Variants in CNTNAP3B observed in about 807,000 individuals in gnomAD.
CNTNAP3B encodes contactin associated protein family member 3B.
In CNTNAP3B, 25 loss-of-function variants were observed where a neutral mutation model predicts 108.9. The ratio of observed to expected loss-of-function variants is 0.23; its 90% CI spans 0.17 to 0.32. The LOEUF is 0.32. Among genes scored for constraint, CNTNAP3B ranks in the 10% least tolerant of loss-of-function variants. The pLI, the probability that CNTNAP3B is intolerant of heterozygous loss-of-function variation, is 1.00. For synonymous variants in CNTNAP3B, 103 were observed against 473.4 expected, an observed-to-expected ratio of 0.22 and a Z score of 10.16; for missense variants, 252 against 1,210.4, an observed-to-expected ratio of 0.21 and a Z score of 11.75.
At chr9:41,932,507 A>G (rs1824007495) in intron 14 of CNTNAP3B, among the ~76,000 whole-genome samples, 2 of 148,660 alleles carry the variant, frequency 1.3e-5, no homozygotes, top group Non-Finnish European at 3.0e-5. Flanking sequence ...CAACTTTTTA[A>G]CTTTTTTTTC....
intron 10 of CNTNAP3B, among the ~76,000 whole-genome samples, chr9:41,969,163 A>G (rs1825369569): frequency 6.6e-6 from 1 of 152,146 alleles, no homozygotes; most frequent in East Asian, 1.9e-4. Context: ...TACCAAATGT[A>G]CTGGGGCAAA....
At chr9:41,958,766 C>A (rs1824959598) in intron 12 of CNTNAP3B, among the ~76,000 whole-genome samples, 1 of 151,982 alleles carries the variant, frequency 6.6e-6, no homozygotes. Flanking sequence ...GAAATATTTG[C>A]CCTTGAGGAA....
chr9:42,067,282 A>C (rs1261118278), intron 3 of CNTNAP3B, among the ~76,000 whole-genome samples: 1 of 148,588 alleles, frequency 6.7e-6, no homozygotes, highest in Non-Finnish European at 1.5e-5. Flanking sequence ...TGTTTGATAC[A>C]TATTCATGTT....
rs746452970 is a variant in CNTNAP3B, at chr9:42,129,273, C to T, written c.-179G>A. 3 of 865,442 alleles carry T rather than the reference C, an allele frequency of 3.5e-6. No homozygotes were observed. The highest frequency in any genetic ancestry group is 4.5e-6 in the Non-Finnish European group (3 of 664,264). The allele number at this position is 865,442 out of a possible 1,614,324, so 53.6% of individuals were successfully genotyped here. On this transcript the variant is annotated 5_prime_UTR_variant, in exon 1 of 24. Coordinates refer to ENST00000377561, the MANE Select transcript of CNTNAP3B (RefSeq NM_001201380.3). ...GGCAGCCTCCCTCGGCGCTGCAGAC[C>T]CTCCCGCCAAGCCGCGCCCGGCCCC... is the stretch of plus-strand genomic sequence containing the variant.
chr9:42,019,725 C>T (rs550091902), intron 3 of CNTNAP3B, among the ~76,000 whole-genome samples: 177 of 145,982 alleles, frequency 1.2e-3, no homozygotes, highest in African/African-American at 3.8e-3. Context: ...TGCACCACTG[C>T]ACTCCAGCCT....
At chr9:42,070,190 T>C in intron 3 of CNTNAP3B, among the ~76,000 whole-genome samples, 1 of 151,288 alleles carries the variant, frequency 6.6e-6, no homozygotes, top group African/African-American at 2.4e-5. Context: ...GACTAAAGAA[T>C]GTTCTCTAAC....
intron 3 of CNTNAP3B, among the ~76,000 whole-genome samples, chr9:42,072,983 G>T (rs189895779): frequency 7.2e-6 from 1 of 139,636 alleles, no homozygotes; most frequent in South Asian, 2.3e-4. Context: ...ACTAAAAAAT[G>T]CAAATAGCCC....
chr9:42,126,790 G>A (rs1348474334), intron 1 of CNTNAP3B, among the ~76,000 whole-genome samples: 1 of 137,098 alleles, frequency 7.3e-6, no homozygotes, highest in Non-Finnish European at 1.6e-5. Flanking sequence ...AGCTGGTCTC[G>A]AACTCCTGAC....
rs1169158619 is a variant in CNTNAP3B, at chr9:42,107,037, G to A, written c.86-2298C>T. On this transcript the variant is annotated intron_variant, in intron 1 of 23. Coordinates refer to ENST00000377561, the MANE Select transcript of CNTNAP3B (RefSeq NM_001201380.3). ...TGCAACACATAAAACAGCACTGGGC[G>A]TTTCACGTGTCCCTGGATTCCTGCA... Among the ~76,000 whole-genome samples, 6 of 92,292 alleles carry A rather than the reference G, an allele frequency of 6.5e-5. 2 individuals carry two copies. Among genetic ancestry groups the A allele is most frequent in the Non-Finnish European group, 1.4e-4 (6 of 44,280 alleles). The allele number at this position is 92,292 out of a possible 152,430, so 60.5% of individuals were successfully genotyped here. A position where few individuals can be genotyped will look rare whatever the true frequency, so the allele number is the denominator to read the frequency against.
chr9:41,964,896 A>C (rs1183974861), intron 10 of CNTNAP3B, among the ~76,000 whole-genome samples: 2 of 152,262 alleles, frequency 1.3e-5, no homozygotes, highest in Non-Finnish European at 2.9e-5. Context: ...TCTTTGTCCC[A>C]AGTGACACAA....
intron 12 of CNTNAP3B, among the ~76,000 whole-genome samples, chr9:41,957,917 C>T (rs62557296): frequency 0.011 from 1,679 of 151,516 alleles, no homozygotes; most frequent in South Asian, 0.05. Context: ...CCCGCCACTA[C>T]GCCCGGCTAA....
intron 13 of CNTNAP3B, among the ~76,000 whole-genome samples, chr9:41,939,576 G>A (rs1042337500): frequency 5.9e-5 from 9 of 152,276 alleles, no homozygotes; most frequent in Admixed American, 1.3e-4. Context: ...TTTTAAAAAT[G>A]TGCTAAAAGC....
At chr9:41,943,888 A>T (rs1824444484) in intron 13 of CNTNAP3B, among the ~76,000 whole-genome samples, 1 of 152,298 alleles carries the variant, frequency 6.6e-6, no homozygotes, top group African/African-American at 2.4e-5. Flanking sequence ...AAAATTGAAG[A>T]CTTTCTTAAA....
chr9:42,029,532 CTTTT>C (rs1190604260), intron 3 of CNTNAP3B, among the ~76,000 whole-genome samples: 1 of 114,490 alleles, frequency 8.7e-6, no homozygotes, highest in Middle Eastern at 3.8e-3. Flanking sequence ...CATATACATT[CTTTT>C]TTTTTTTTTT....
chr9:42,125,715 G>A lies in CNTNAP3B; in HGVS notation c.85+3295C>T, dbSNP rs1828555325. On this transcript the variant is annotated intron_variant, in intron 1 of 23. Transcript: ENST00000377561. ...AGACAGAGTCTCACTCCGTCACCCAGGCTGGAGTGCAGTGGCACGATCTCA... is the reference window on the plus strand; with the variant it reads ...AGACAGAGTCTCACTCCGTCACCCAAGCTGGAGTGCAGTGGCACGATCTCA... Among the ~76,000 whole-genome samples the A allele has an allele frequency of 2.4e-5, 3 of 126,120 alleles. 1 individual carries two copies. In the South Asian group the frequency reaches 7.9e-4, roughly 33 times the overall value. The allele number at this position is 126,120 out of a possible 152,430, so 82.7% of individuals were successfully genotyped here. A position where few individuals can be genotyped will look rare whatever the true frequency, so the allele number is the denominator to read the frequency against.
Position 42,125,665 on chromosome 9 carries a change from G to GTT in CNTNAP3B, c.85+3343_85+3344dup, listed in dbSNP as rs200934708. 9.3e-3 allele frequency among the ~76,000 whole-genome samples: 1,106 copies of GTT among 118,618 alleles called. 143 individuals are homozygous for GTT. The highest frequency in any genetic ancestry group is 0.024 in the African/African-American group (685 of 28,824). 77.8% of individuals were successfully genotyped at this position (118,618 alleles called of 152,430 possible). A position where few individuals can be genotyped will look rare whatever the true frequency, so the allele number is the denominator to read the frequency against. ...TAAAGGCATGTGAACTACATTTTTT[G>GTT]TTTTTTTTTTTTTGTTTTTTTTTGA... On this transcript the variant is annotated intron_variant, in intron 1 of 23. Coordinates refer to ENST00000377561, the MANE Select transcript of CNTNAP3B (RefSeq NM_001201380.3).
chr9:41,952,765 GGGA>G lies in CNTNAP3B; in HGVS notation c.2080+415_2080+417del, dbSNP rs1176568305. The stretch of plus-strand genomic sequence containing the variant: ...GAAGGGCATATTCAGTTAATCTAAA[GGGA>G]GGAAACAAAGGTTCCAAGTAGATTT... On this transcript the variant is annotated intron_variant, in intron 13 of 23. Transcript: ENST00000377561. Among the ~76,000 whole-genome samples, 42 of 150,714 alleles carry G rather than the reference GGGA, an allele frequency of 2.8e-4. No homozygotes were observed. In the East Asian group the frequency reaches 5.3e-3, roughly 19 times the overall value.
chr9:42,043,011 A>G (rs1195990349), intron 3 of CNTNAP3B, among the ~76,000 whole-genome samples: 2 of 149,932 alleles, frequency 1.3e-5, no homozygotes, highest in South Asian at 2.1e-4. Context: ...CATCATCATC[A>G]TAGCTTATGT....
At chr9:42,072,695 C>A (rs201553715) in intron 3 of CNTNAP3B, among the ~76,000 whole-genome samples, 31 of 102,574 alleles carry the variant, frequency 3.0e-4, no homozygotes, top group Non-Finnish European at 4.5e-4. Flanking sequence ...TCAACACAAA[C>A]TCAGTCTAGC....
Sources: allele counts gnomAD v4.1 joint callset (sites outside exome capture counted in the v4.1 genomes callset), GRCh38; gene constraint gnomAD v4.1.1; transcripts MANE v1.5; gene names NCBI Gene and HGNC (gene_info 2026-07-23, HGNC 2026-07-21).